Variants in RAB33A observed in about 807,000 individuals in gnomAD.
RAB33A encodes ras-related protein Rab-33A.
RAB33A carries 6 observed loss-of-function variants against 12.0 expected under a neutral mutation model. The observed-to-expected ratio is 0.50, with a 90% confidence interval of 0.27 to 0.99. The LOEUF (loss-of-function observed/expected upper bound fraction) is 0.99, where lower values mean the gene tolerates loss of function less well. RAB33A is among the 50% of genes least tolerant of loss of function. The probability of loss-of-function intolerance (pLI) is 0.11; values close to 1 mark genes in which losing one functional copy is unlikely to be tolerated. For missense variants in RAB33A, 109 were observed against 192.0 expected (o/e 0.57, Z 2.55); for synonymous variants, 70 against 82.4 (o/e 0.85, Z 0.81).
intron 1 of RAB33A, among the ~76,000 whole-genome samples, chrX:130,178,941 C>T (rs893030763): frequency 4.7e-5 from 5 of 105,587 alleles, no homozygotes; most frequent in Admixed American, 2.1e-4. Flanking sequence ...CGTGAGCCAC[C>T]GCGCCCGGCG....
Position 130,183,862 on chromosome X carries a change from G to T in RAB33A, c.259-423G>T, listed in dbSNP as rs1222041919. On this transcript the variant is annotated intron_variant, in intron 1 of 1. Coordinates refer to ENST00000257017, the MANE Select transcript of RAB33A (RefSeq NM_004794.3). Reference sequence around the variant, plus strand: ...AAGTCCATTCTGCTCATCTGTCAAAGAACCACTTCCTGTGTCACGGCTTGT... The same window carrying T: ...AAGTCCATTCTGCTCATCTGTCAAATAACCACTTCCTGTGTCACGGCTTGT... Among the ~76,000 whole-genome samples, 16 of 111,767 alleles carry T rather than the reference G, an allele frequency of 1.4e-4. No homozygotes were observed. In the Admixed American group the frequency reaches 1.5e-3, roughly 11 times the overall value.
the RAB33A span, chrX:130,136,500 G>A: frequency 3.4e-6 from 2 of 585,153 alleles, no homozygotes; most frequent in Non-Finnish European, 2.9e-6. Context: ...TTAATGGAGG[G>A]ATGGTTAATT....
chrX:130,183,924 T>C (rs1019622980), intron 1 of RAB33A, among the ~76,000 whole-genome samples: 1 of 111,694 alleles, frequency 9.0e-6, no homozygotes, highest in Admixed American at 9.5e-5. Context: ...AGTTTTGCTC[T>C]TTTTGCCCAG....
the RAB33A span, among the ~76,000 whole-genome samples, chrX:130,143,807 A>T: frequency 9.1e-6 from 1 of 110,173 alleles, no homozygotes; most frequent in Admixed American, 9.7e-5. Flanking sequence ...AGATCATGCC[A>T]CCGTACTCCA....
the RAB33A span, among the ~76,000 whole-genome samples, chrX:130,114,715 TG>T: frequency 8.9e-6 from 1 of 112,297 alleles, no homozygotes; most frequent in Admixed American, 9.4e-5. Context: ...GCCTCTGTGT[TG>T]CCCACAGCCC....
At chrX:130,165,932 G>T in the RAB33A span, 1 of 393,007 alleles carries the variant, frequency 2.5e-6, no homozygotes. Flanking sequence ...GCACTAGCTG[G>T]CCGCAAGCTC....
upstream of RAB33A, among the ~76,000 whole-genome samples, chrX:130,167,000 A>T (rs1393609197): frequency 8.9e-6 from 1 of 112,216 alleles, no homozygotes; most frequent in Non-Finnish European, 1.9e-5. Flanking sequence ...CGGTCATTGA[A>T]ATAATATCTG....
the RAB33A span, among the ~76,000 whole-genome samples, chrX:130,127,691 CTTTT>C: frequency 3.9e-5 from 3 of 77,036 alleles, no homozygotes; most frequent in African/African-American, 5.9e-5. Flanking sequence ...ATGAGTTTTC[CTTTT>C]TTTTTTTTTT....
chrX:130,140,331 G>A, the RAB33A span, among the ~76,000 whole-genome samples: 293 of 112,339 alleles, frequency 2.6e-3, 1 homozygote, highest in African/African-American at 8.8e-3. Flanking sequence ...TGCCTCTACC[G>A]GGAGAACAGC....
the RAB33A span, chrX:130,130,103 C>G: frequency 8.3e-7 from 1 of 1,209,987 alleles, no homozygotes. Context: ...TGCCGGGGTG[C>G]TGGGAGGAAT....
chrX:130,130,098 G>A, the RAB33A span: 4 of 1,211,852 alleles, frequency 3.3e-6, no homozygotes, highest in Middle Eastern at 6.9e-4. Context: ...GGAACTGCCG[G>A]GGTGCTGGGA....
At chrX:130,110,984 C>T in the RAB33A span, among the ~76,000 whole-genome samples, 1 of 34,501 alleles carries the variant, frequency 2.9e-5, no homozygotes, top group Non-Finnish European at 5.2e-5. Context: ...GAGGGACCGA[C>T]GGGAGGGACT....
chrX:130,182,160 ATAT>A (rs2031735226), intron 1 of RAB33A, among the ~76,000 whole-genome samples: 2 of 45,111 alleles, frequency 4.4e-5, no homozygotes, highest in Non-Finnish European at 6.8e-5. Context: ...AAAAAAAAAT[ATAT>A]ATATATATAT....
the RAB33A span, among the ~76,000 whole-genome samples, chrX:130,165,248 G>T: frequency 1.3e-5 from 1 of 79,656 alleles, no homozygotes; most frequent in Admixed American, 1.7e-4. Flanking sequence ...AAAAAGGGGG[G>T]TGGGGGGTGG....
the RAB33A span, among the ~76,000 whole-genome samples, chrX:130,121,252 C>CTTTTTT: frequency 5.3e-5 from 5 of 94,766 alleles, no homozygotes; most frequent in Admixed American, 1.1e-4. Flanking sequence ...CTTTTCTTTT[C>CTTTTTT]TTTTTTTTTT....
chrX:130,171,320 G>A (rs773902068), upstream of RAB33A, among the ~76,000 whole-genome samples: 3 of 112,276 alleles, frequency 2.7e-5, no homozygotes, highest in Admixed American at 2.8e-4. Context: ...GTAGAGGGTG[G>A]GGGTAGAGGG....
the RAB33A span, among the ~76,000 whole-genome samples, chrX:130,117,162 C>A: frequency 8.9e-6 from 1 of 111,879 alleles, no homozygotes; most frequent in African/African-American, 3.3e-5. Flanking sequence ...TGCAGTGAGC[C>A]GAGATTGTGC....
the RAB33A span, among the ~76,000 whole-genome samples, chrX:130,144,179 T>A: frequency 1.8e-5 from 2 of 111,334 alleles, no homozygotes; most frequent in African/African-American, 6.5e-5. Context: ...CTTCTTCTTC[T>A]TCATCATCAT....
the RAB33A span, among the ~76,000 whole-genome samples, chrX:130,157,146 T>C: frequency 8.9e-6 from 1 of 111,851 alleles, no homozygotes; most frequent in African/African-American, 3.2e-5. Context: ...TTTTAATGAG[T>C]TTCTCTCCCC....
Sources: allele counts gnomAD v4.1 joint callset (sites outside exome capture counted in the v4.1 genomes callset), GRCh38; gene constraint gnomAD v4.1.1; transcripts MANE v1.5; gene names NCBI Gene and HGNC (gene_info 2026-07-23, HGNC 2026-07-21).